The following EML6 variants were observed in gnomAD, a reference collection of about 807,000 sequenced individuals.
EML6 encodes the protein EMAP like 6, also known as echinoderm microtubule-associated protein-like 6.
A neutral mutation model predicts 240.1 loss-of-function variants in EML6; 154 were observed. The ratio of observed to expected loss-of-function variants is 0.64; its 90% CI spans 0.56 to 0.73. The LOEUF (loss-of-function observed/expected upper bound fraction) is 0.73. Among genes scored for constraint, EML6 ranks in the 30% least tolerant of loss-of-function variants. The probability of loss-of-function intolerance (pLI) is 0.00; values close to 1 mark genes in which losing one functional copy is unlikely to be tolerated. For missense variants in EML6, 2,964 were observed against 2,474.6 expected (o/e 1.20, Z -4.20); for synonymous variants, 1,148 against 899.0 (o/e 1.28, Z -4.95).
chr2:54,879,538 T>C lies in EML6; in HGVS notation c.2345-9T>C. 6.5e-7 allele frequency: 1 copy of C among 1,544,680 alleles called. No homozygotes were observed. Among genetic ancestry groups the C allele is most frequent in the Non-Finnish European group, 8.8e-7 (1 of 1,140,870 alleles). Reference sequence around the variant, plus strand: ...AAGAAATTTTGACATTTGTGTTGTTTTCATACAGCCGATGGAAAATGTCTG... The same window carrying C: ...AAGAAATTTTGACATTTGTGTTGTTCTCATACAGCCGATGGAAAATGTCTG... On this transcript the variant is annotated splice_polypyrimidine_tract_variant and intron_variant, in intron 16 of 41. Coordinates refer to ENST00000356458, the MANE Select transcript of EML6 (RefSeq NM_001039753.4).
intron 28 of EML6, among the ~76,000 whole-genome samples, chr2:54,930,774 G>A (rs1674812980): frequency 2.0e-5 from 3 of 152,058 alleles, no homozygotes; most frequent in African/African-American, 4.8e-5. Context: ...TGCACAGCAT[G>A]CCGGGAGCAG....
intron 7 of EML6, among the ~76,000 whole-genome samples, chr2:54,830,099 C>G (rs1003020569): frequency 6.6e-6 from 1 of 152,206 alleles, no homozygotes; most frequent in African/African-American, 2.4e-5. Context: ...GCGCACTTAG[C>G]ACTCAAACTG....
intron 10 of EML6, among the ~76,000 whole-genome samples, chr2:54,850,636 C>G (rs1054599418): frequency 6.6e-6 from 1 of 151,858 alleles, no homozygotes. Context: ...GACTAGGAAT[C>G]AGGGAAATGA....
chr2:54,918,778 TA>T (rs2104334753), intron 26 of EML6, among the ~76,000 whole-genome samples: 1 of 152,340 alleles, frequency 6.6e-6, no homozygotes, highest in Non-Finnish European at 1.5e-5. Context: ...ATGTCTTGCC[TA>T]AAGACAAGTG....
chr2:54,937,499 G>C (rs1390377523), intron 28 of EML6, among the ~76,000 whole-genome samples: 1 of 136,982 alleles, frequency 7.3e-6, no homozygotes, highest in Non-Finnish European at 1.5e-5. Flanking sequence ...GCTGCAGTGA[G>C]CCATGATCAT....
chr2:54,769,061 A>G (rs1290640686), intron 2 of EML6, among the ~76,000 whole-genome samples: 1 of 152,202 alleles, frequency 6.6e-6, no homozygotes, highest in Non-Finnish European at 1.5e-5. Flanking sequence ...CTGGGAAATG[A>G]CTTATTTTGA....
intron 2 of EML6, among the ~76,000 whole-genome samples, chr2:54,759,273 G>A (rs958575843): frequency 2.0e-5 from 3 of 150,626 alleles, no homozygotes; most frequent in Non-Finnish European, 2.9e-5. Flanking sequence ...CAGTGGCTTT[G>A]ACTGGTATTT....
At chr2:54,928,897 T>G in intron 28 of EML6, 146 bp downstream of exon 28, 10 of 976,912 alleles carry the variant, frequency 1.0e-5, no homozygotes, top group Non-Finnish European at 1.4e-5. Flanking sequence ...GTACACAGGC[T>G]TAAGCTGAGA....
At chr2:54,800,181 G>T (rs1670050658) in intron 2 of EML6, among the ~76,000 whole-genome samples, 1 of 151,754 alleles carries the variant, frequency 6.6e-6, no homozygotes, top group Non-Finnish European at 1.5e-5. Flanking sequence ...GGAGGTAGAG[G>T]TTGCAGTGAG....
intron 17 of EML6, among the ~76,000 whole-genome samples, chr2:54,887,097 A>G (rs1334201856): frequency 6.6e-6 from 1 of 152,142 alleles, no homozygotes; most frequent in Non-Finnish European, 1.5e-5. Context: ...CCCCTGCACC[A>G]CCCTTTTGTA....
At chr2:54,870,324 T>G (rs990011007) in intron 15 of EML6, among the ~76,000 whole-genome samples, 1 of 149,840 alleles carries the variant, frequency 6.7e-6, no homozygotes, top group Non-Finnish European at 1.5e-5. Context: ...GCTTTTAAAT[T>G]TTTTTTTAAA....
chr2:54,836,932 C>G (rs555787373), intron 7 of EML6, among the ~76,000 whole-genome samples: 19 of 152,178 alleles, frequency 1.2e-4, no homozygotes, highest in Non-Finnish European at 1.3e-4. Context: ...CCCTGCAAGG[C>G]CCAGAGCTCC....
At chr2:54,956,788 T>G (rs1048679290) in intron 32 of EML6, among the ~76,000 whole-genome samples, 18 of 152,080 alleles carry the variant, frequency 1.2e-4, no homozygotes, top group African/African-American at 4.3e-4. Flanking sequence ...AAAATAGGTG[T>G]GTGAATAATC....
At position 54,725,183 on chromosome 2, in the gene EML6, C is replaced by G. The variant is rs1415320738; in HGVS notation, c.122C>G (p.Ala41Gly). Reference protein sequence around the residue: ...TAGKEVVYFVAGVGVVYNTRE... With the variant: ...TAGKEVVYFVGGVGVVYNTRE... ...GGCAAGGAGGTGGTCTACTTTGTGG[C>G]TGGGGTCGGGGTGGTTTACAACACC... Residue 41 changes from alanine to glycine, a missense_variant, in exon 2 of 42, where the codon GCT (alanine) becomes GGT (glycine). Transcript: ENST00000356458. This position sits in a 1 kb window ranked among gnomAD's most constrained non-coding sequence, Gnocchi z 4.3. 4 of 1,528,422 alleles carry G rather than the reference C, an allele frequency of 2.6e-6. No homozygotes were observed. The highest frequency in any genetic ancestry group is 2.0e-5 in the Admixed American group (1 of 49,078). The allele number at this position is 1,528,422 out of a possible 1,614,324, so 94.7% of individuals were successfully genotyped here. A position where few individuals can be genotyped will look rare whatever the true frequency, so the allele number is the denominator to read the frequency against.
intron 5 of EML6, among the ~76,000 whole-genome samples, chr2:54,826,561 C>T (rs1190103218): frequency 6.6e-6 from 1 of 152,134 alleles, no homozygotes; most frequent in Non-Finnish European, 1.5e-5. Context: ...GATCGGGCCA[C>T]TGCACTCCAC....
chr2:54,819,921 G>A (rs1313711403), intron 4 of EML6, among the ~76,000 whole-genome samples: 1 of 152,124 alleles, frequency 6.6e-6, no homozygotes, highest in African/African-American at 2.4e-5. Flanking sequence ...TCTGCCTTAC[G>A]TTTAGGAATA....
chr2:54,749,783 C>G (rs1304041803), intron 2 of EML6, among the ~76,000 whole-genome samples: 1 of 152,184 alleles, frequency 6.6e-6, no homozygotes, highest in East Asian at 1.9e-4. Flanking sequence ...TCTCTCACCC[C>G]ACACCCCAGC....
chr2:54,848,840 G>A (rs1206467216), intron 9 of EML6, among the ~76,000 whole-genome samples: 1 of 152,176 alleles, frequency 6.6e-6, no homozygotes, highest in African/African-American at 2.4e-5. Context: ...GTGACTCACT[G>A]TATTCATGAC....
chr2:54,903,114 GGT>G lies in EML6; in HGVS notation c.3197_3198del (p.Val1066GlyfsTer4), dbSNP rs1465286464. ...AVGLNDGSFL[V>X]VNADTVEDMV... ...TTGGCTTGAACGATGGGAGTTTCCTGGTGGTAAATGCTGACACTGTTGAAGAC... is the reference window on the plus strand; with the variant it reads ...TTGGCTTGAACGATGGGAGTTTCCTGGGTAAATGCTGACACTGTTGAAGAC... On this transcript the variant is annotated frameshift_variant, in exon 23 of 42. Coordinates refer to ENST00000356458, the MANE Select transcript of EML6 (RefSeq NM_001039753.4). LOFTEE classifies it high-confidence loss of function. 2.6e-6 allele frequency: 4 copies of G among 1,551,590 alleles called. No homozygotes were observed. Among genetic ancestry groups the G allele is most frequent in the Admixed American group, 3.9e-5 (2 of 50,976 alleles).
Sources: allele counts gnomAD v4.1 joint callset (sites outside exome capture counted in the v4.1 genomes callset), GRCh38; gene constraint gnomAD v4.1.1; non-coding constraint Gnocchi (gnomAD v3.1); transcripts MANE v1.5; gene names NCBI Gene and HGNC (gene_info 2026-07-23, HGNC 2026-07-21).